Variants in TSEN2 observed in about 807,000 individuals in gnomAD.
The protein encoded by TSEN2 is tRNA-splicing endonuclease subunit Sen2.
A neutral mutation model predicts 59.2 loss-of-function variants in TSEN2; 54 were observed. The ratio of observed to expected loss-of-function variants is 0.91; its 90% CI spans 0.73 to 1.14. The LOEUF (loss-of-function observed/expected upper bound fraction) is 1.14. Ranked by LOEUF, TSEN2 falls within the 50% of genes most tolerant of loss-of-function variation. The probability of loss-of-function intolerance (pLI) is 0.00; values close to 1 mark genes in which losing one functional copy is unlikely to be tolerated. For synonymous variants in TSEN2, 195 were observed against 198.2 expected (o/e 0.98, Z 0.14); for missense variants, 636 against 576.2 (o/e 1.10, Z -1.06).
intron 8 of TSEN2, among the ~76,000 whole-genome samples, chr3:12,527,401 T>A (rs2057166771): frequency 6.6e-6 from 1 of 151,964 alleles, no homozygotes; most frequent in Admixed American, 6.5e-5. Context: ...AGGAAAATTC[T>A]ATCCATTCCT....
In TSEN2 at chr3:12,517,113, C is replaced by T. The variant is rs544863770; in HGVS notation, c.960+452C>T. On this transcript the variant is annotated intron_variant, in intron 7 of 11. Transcript: ENST00000284995. ...CTGTAATCCCAGCACACTGGGGGGC[C>T]GAGGCGGGCAGATCACAAGGTCAGG... Among the ~76,000 whole-genome samples the T allele has an allele frequency of 2.0e-5, 3 of 152,088 alleles. No individual in the cohort carries two copies. The East Asian group carries it at 5.8e-4, about 29-fold the overall frequency.
intron 3 of TSEN2, among the ~76,000 whole-genome samples, chr3:12,494,297 G>A: frequency 6.6e-6 from 1 of 152,216 alleles, no homozygotes; most frequent in Non-Finnish European, 1.5e-5. Flanking sequence ...AGATCGCTAG[G>A]ATATGCTGGT....
chr3:12,524,549 C>T (rs933399456), intron 8 of TSEN2, among the ~76,000 whole-genome samples: 1 of 152,112 alleles, frequency 6.6e-6, no homozygotes, highest in Non-Finnish European at 1.5e-5. Context: ...GGACACTTGA[C>T]ATTAGATTTA....
intron 10 of TSEN2, chr3:12,539,089 G>GT (rs200791674): frequency 1.2e-4 from 51 of 414,874 alleles, no homozygotes; most frequent in Admixed American, 1.6e-4. Context: ...GGGGTTTTTG[G>GT]TTTTTTTTAC....
Position 12,520,421 on chromosome 3 carries a change from A to G in TSEN2, c.1099+1224A>G, listed in dbSNP as rs1448612059. Among the ~76,000 whole-genome samples the G allele has an allele frequency of 2.6e-5, 4 of 152,208 alleles. No individual in the cohort carries two copies. The East Asian group carries it at 7.7e-4, about 29-fold the overall frequency. ...GAATTCTGAAGCCCACGCTTTTAGA[A>G]ATGTCTGACAGTACTGCCTCCCTTG... On this transcript the variant is annotated intron_variant, in intron 8 of 11. Coordinates refer to ENST00000284995, the MANE Select transcript of TSEN2 (RefSeq NM_025265.4).
At chr3:12,536,176 G>A (rs1322189732), downstream of TSEN2, among the ~76,000 whole-genome samples, 9 of 152,204 alleles carry the variant, frequency 5.9e-5, no homozygotes, top group Non-Finnish European at 8.8e-5. Context: ...AGTGAAGACA[G>A]CAGAGGAGAT....
chr3:12,513,901 AG>A (rs1296118183), intron 6 of TSEN2, among the ~76,000 whole-genome samples: 1 of 152,214 alleles, frequency 6.6e-6, no homozygotes, highest in Non-Finnish European at 1.5e-5. Context: ...GAGCTGAGTG[AG>A]GTGCAGAGAC....
At chr3:12,521,946 G>A (rs1030880398) in intron 8 of TSEN2, among the ~76,000 whole-genome samples, 13 of 152,170 alleles carry the variant, frequency 8.5e-5, no homozygotes, top group African/African-American at 3.1e-4. Flanking sequence ...AGGAGGCGGA[G>A]CTTGCAGTGA....
chr3:12,511,085 C>T (rs919818320), intron 6 of TSEN2: 2 of 152,128 alleles, frequency 1.3e-5, no homozygotes, highest in Middle Eastern at 3.2e-3. Context: ...TTTCATTGAT[C>T]CTTGTTTTAA....
chr3:12,539,321 A>G, exon 11 of TSEN2: 1 of 330,082 alleles, frequency 3.0e-6, no homozygotes, highest in Non-Finnish European at 5.8e-6. Context: ...TTTAGTAGAG[A>G]CGGGGTTTCA....
At chr3:12,499,547 T>C (rs1330110377) in intron 4 of TSEN2, among the ~76,000 whole-genome samples, 3 of 152,210 alleles carry the variant, frequency 2.0e-5, no homozygotes, top group South Asian at 2.1e-4. Context: ...TTACCTCCTT[T>C]CATCTTCTCA....
chr3:12,522,890 C>G (rs532744693), intron 8 of TSEN2, among the ~76,000 whole-genome samples: 1 of 152,316 alleles, frequency 6.6e-6, no homozygotes, highest in South Asian at 2.1e-4. Context: ...TCCTTACACT[C>G]CCTACTCAGC....
intron 3 of TSEN2, among the ~76,000 whole-genome samples, chr3:12,494,500 G>A (rs1057356256): frequency 2.3e-4 from 35 of 152,072 alleles, no homozygotes; most frequent in Non-Finnish European, 2.5e-4. Context: ...GGGTTCAAGC[G>A]ATTCTCCTGC....
At chr3:12,497,206 TCTC>T (rs1238368719) in intron 4 of TSEN2, among the ~76,000 whole-genome samples, 1 of 152,120 alleles carries the variant, frequency 6.6e-6, no homozygotes, top group African/African-American at 2.4e-5. Flanking sequence ...ATCAGGCCCT[TCTC>T]CTCTCTGCAG....
At chr3:12,532,134 G>A (rs1394912065) in intron 11 of TSEN2, among the ~76,000 whole-genome samples, 21 of 152,128 alleles carry the variant, frequency 1.4e-4, no homozygotes, top group Admixed American at 1.3e-3. Flanking sequence ...CCTTAACGTT[G>A]CCATTGGCTC....
In TSEN2 at chr3:12,539,182, G is replaced by T. The variant is rs539501115; in HGVS notation, c.1282G>T (p.Gly428Ter). Residue 428 changes from glycine to a stop codon, truncating the protein, a stop_gained, in exon 11 of 11, where the codon GGA (glycine) becomes TGA (stop). Transcript: ENST00000412698. LOFTEE classifies it high-confidence loss of function. ...GTAGTCTCGCTCTGTCGTCCAGGCT[G>T]GAGTCCAATGCTGCGATCTTGGATC... is the stretch of plus-strand genomic sequence containing the variant. 307 of 429,958 alleles carry T rather than the reference G, an allele frequency of 7.1e-4. No homozygotes were observed. Among genetic ancestry groups the T allele is most frequent in the Non-Finnish European group, 1.2e-3 (263 of 219,444 alleles). The allele number at this position is 429,958 out of a possible 1,614,324, so 26.6% of individuals were successfully genotyped here. A position where few individuals can be genotyped will look rare whatever the true frequency, so the allele number is the denominator to read the frequency against.
intron 1 of TSEN2, among the ~76,000 whole-genome samples, chr3:12,488,743 G>A (rs1272995300): frequency 6.6e-6 from 1 of 152,200 alleles, no homozygotes; most frequent in African/African-American, 2.4e-5. Context: ...TTCCGTTACT[G>A]CTCAATAACC....
chr3:12,512,756 C>T (rs111346355), intron 6 of TSEN2, among the ~76,000 whole-genome samples: 4 of 152,160 alleles, frequency 2.6e-5, no homozygotes, highest in African/African-American at 7.2e-5. Flanking sequence ...TTTTGTGAAC[C>T]GGTCATGGTG....
Position 12,505,933 on chromosome 3 carries a change from C to G in TSEN2, c.909+702C>G, listed in dbSNP as rs374363625. ...TGAGCCACGATTGCACTACTGCGCTCCAGCTTGGGCGAAAGAGTGAGACTC... is the reference window on the plus strand; with the variant it reads ...TGAGCCACGATTGCACTACTGCGCTGCAGCTTGGGCGAAAGAGTGAGACTC... On this transcript the variant is annotated intron_variant, in intron 6 of 11. Coordinates refer to ENST00000284995, the MANE Select transcript of TSEN2 (RefSeq NM_025265.4). 1.9e-4 allele frequency among the ~76,000 whole-genome samples: 29 copies of G among 151,966 alleles called. 1 individual carries two copies. Among genetic ancestry groups the G allele is most frequent in the Admixed American group, 7.9e-4 (12 of 15,276 alleles).
Sources: gnomAD v4.1 joint callset for allele counts (sites outside exome capture counted in the v4.1 genomes callset) on GRCh38, gnomAD v4.1.1 for gene constraint, MANE v1.5 for transcripts, NCBI Gene and HGNC (gene_info 2026-07-23, HGNC 2026-07-21) for gene names.